The following SLC16A2 variants were observed in gnomAD, a reference collection of about 807,000 sequenced individuals.
SLC16A2 encodes solute carrier family 16 member 2, also known as monocarboxylate transporter 8.
A neutral mutation model predicts 27.2 loss-of-function variants in SLC16A2; 3 were observed. The ratio of observed to expected loss-of-function variants is 0.11; its 90% CI spans 0.05 to 0.28. The LOEUF is 0.28. Ranked by LOEUF, SLC16A2 falls within the 10% of genes least tolerant of loss-of-function variation. The pLI is 1.00. For missense variants in SLC16A2, 295 were observed against 458.5 expected, an observed-to-expected ratio of 0.64 and a Z score of 3.26; for synonymous variants, 202 against 187.8, an observed-to-expected ratio of 1.08 and a Z score of -0.62.
intron 1 of SLC16A2, among the ~76,000 whole-genome samples, chrX:74,441,006 C>T (rs960304616): frequency 3.6e-5 from 4 of 110,340 alleles, no homozygotes; most frequent in Non-Finnish European, 5.7e-5. Flanking sequence ...CTGTCTCTGT[C>T]GCCCAGGCTG....
chrX:74,459,715 A>G (rs1929102500), intron 1 of SLC16A2, among the ~76,000 whole-genome samples: 2 of 111,266 alleles, frequency 1.8e-5, no homozygotes, highest in Admixed American at 1.9e-4. Flanking sequence ...TTGGAAGAAA[A>G]CAATTGCATC....
intron 1 of SLC16A2, among the ~76,000 whole-genome samples, chrX:74,509,580 T>C (rs1320666884): frequency 9.0e-6 from 1 of 110,595 alleles, no homozygotes. Flanking sequence ...CCCCTTTTTT[T>C]TGAGATGGAG....
chrX:74,516,632 A>C lies in SLC16A2; in HGVS notation c.431-4358A>C, dbSNP rs764263755. 2.0e-4 allele frequency among the ~76,000 whole-genome samples: 22 copies of C among 111,750 alleles called. No homozygotes were observed. In the South Asian group the frequency reaches 8.2e-3, roughly 42 times the overall value. Reference sequence around the variant, plus strand: ...GGCCACTAAAAAAGGTATACAAAGGAACACACTTTAAAGCACAATAAATAA... The same window carrying C: ...GGCCACTAAAAAAGGTATACAAAGGCACACACTTTAAAGCACAATAAATAA... On this transcript the variant is annotated intron_variant, in intron 1 of 5. Coordinates refer to ENST00000587091, the MANE Select transcript of SLC16A2 (RefSeq NM_006517.5).
chrX:74,423,383 G>A (rs764621090), intron 1 of SLC16A2, among the ~76,000 whole-genome samples: 2 of 112,114 alleles, frequency 1.8e-5, no homozygotes, highest in African/African-American at 6.5e-5. Context: ...ATTATTAAGT[G>A]AACATAGAAA....
Position 74,532,212 on chromosome X carries a change from T to C in SLC16A2, c.*659T>C, listed in dbSNP as rs1930580992. 8.7e-6 allele frequency: 1 copy of C among 114,544 alleles called. No individual in the cohort carries two copies. The highest frequency in any genetic ancestry group is 8.9e-5 in the Admixed American group (1 of 11,231). 9.4% of individuals were successfully genotyped at this position (114,544 alleles called of 1,213,427 possible). Reference sequence around the variant, plus strand: ...TCTTTGTATGACTGTCATAGACACATGGGTGCTTGAAGAAAGGAGGGACCC... The same window carrying C: ...TCTTTGTATGACTGTCATAGACACACGGGTGCTTGAAGAAAGGAGGGACCC... On this transcript the variant is annotated 3_prime_UTR_variant, in exon 6 of 6. Transcript: ENST00000587091.
intron 1 of SLC16A2, among the ~76,000 whole-genome samples, chrX:74,519,653 T>C (rs1930373327): frequency 1.1e-5 from 1 of 95,076 alleles, no homozygotes; most frequent in Non-Finnish European, 2.1e-5. Flanking sequence ...GAGGCGGAGC[T>C]TGCAGTGAGG....
chrX:74,429,485 AG>A (rs1164602289), intron 1 of SLC16A2, among the ~76,000 whole-genome samples: 15 of 109,999 alleles, frequency 1.4e-4, no homozygotes, highest in African/African-American at 5.0e-4. Flanking sequence ...AAAAAAAAAA[AG>A]TGCCTTCAGG....
In SLC16A2 at chrX:74,425,417, T is replaced by C. The variant is rs770131365; in HGVS notation, c.430+3350T>C. 9.0e-5 allele frequency among the ~76,000 whole-genome samples: 10 copies of C among 110,937 alleles called. No individual in the cohort carries two copies. In the South Asian group the frequency reaches 3.9e-3, roughly 43 times the overall value. ...AGGTCCCTGAGAGGGAGGCAAGTGATCAAACTCTGGTTTAGTGAAAAAAGG... is the reference window on the plus strand; with the variant it reads ...AGGTCCCTGAGAGGGAGGCAAGTGACCAAACTCTGGTTTAGTGAAAAAAGG... On this transcript the variant is annotated intron_variant, in intron 1 of 5. Transcript: ENST00000587091.
rs752570148 is a variant in SLC16A2, at chrX:74,531,383, G to A, written c.1450G>A (p.Gly484Ser). ...GDYHVAFYFA[G>S]VPPIIGAVIL... The stretch of plus-strand genomic sequence containing the variant: ...CTACCATGTGGCCTTCTACTTTGCC[G>A]GTGTGCCCCCCATCATCGGGGCTGT... The change falls in exon 6 of 6, where the codon GGT becomes AGT. Residue 484 changes from glycine (G) to serine (S), a missense_variant. Gly to Ser is a moderately conservative substitution (Grantham distance 56). Coordinates refer to ENST00000587091, the MANE Select transcript of SLC16A2 (RefSeq NM_006517.5). The A allele has an allele frequency of 3.3e-6, 4 of 1,211,721 alleles. No individual in the cohort carries two copies. Among genetic ancestry groups the A allele is most frequent in the South Asian group, 1.8e-5 (1 of 56,995 alleles).
intron 2 of SLC16A2, among the ~76,000 whole-genome samples, chrX:74,522,952 G>T (rs1022057160): frequency 1.8e-5 from 2 of 111,704 alleles, no homozygotes; most frequent in Admixed American, 1.9e-4. Flanking sequence ...TGCAGGCAGG[G>T]CTGGTGGGGC....
chrX:74,477,522 G>A (rs1057388251), intron 1 of SLC16A2, among the ~76,000 whole-genome samples: 2 of 111,298 alleles, frequency 1.8e-5, no homozygotes, highest in Admixed American at 1.9e-4. Flanking sequence ...CCTTCTGCTA[G>A]CTTTTGAATG....
chrX:74,444,829 G>T (rs746818208), intron 1 of SLC16A2, among the ~76,000 whole-genome samples: 21 of 111,820 alleles, frequency 1.9e-4, no homozygotes, highest in African/African-American at 6.8e-4. Flanking sequence ...GCCCAGCCTA[G>T]CTTATATCCT....
At chrX:74,483,467 A>G (rs1929662689) in intron 1 of SLC16A2, among the ~76,000 whole-genome samples, 1 of 111,712 alleles carries the variant, frequency 9.0e-6, no homozygotes, top group African/African-American at 3.3e-5. Flanking sequence ...AGCTGCTACT[A>G]GAATCATAGT....
chrX:74,513,728 T>C (rs1419548452), intron 1 of SLC16A2, among the ~76,000 whole-genome samples: 1 of 111,996 alleles, frequency 8.9e-6, no homozygotes, highest in Admixed American at 9.5e-5. Context: ...TCTCCCTTTA[T>C]AGAAAATTTT....
intron 1 of SLC16A2, among the ~76,000 whole-genome samples, chrX:74,440,329 C>G (rs1345089976): frequency 9.0e-6 from 1 of 111,124 alleles, no homozygotes; most frequent in Non-Finnish European, 1.9e-5. Flanking sequence ...ACAAATCGCT[C>G]CAGCTTGCCG....
chrX:74,526,372 ATCCATCAGGAAGGTGATTGAG>A (rs1420008790), intron 4 of SLC16A2, among the ~76,000 whole-genome samples: 1 of 111,637 alleles, frequency 9.0e-6, no homozygotes, highest in Non-Finnish European at 1.9e-5. Flanking sequence ...GTCACAAGTA[ATCCATCAGGAAGGTGATTGAG>A]TTCTGACTCA....
chrX:74,505,922 G>A (rs1194908421), intron 1 of SLC16A2, among the ~76,000 whole-genome samples: 2 of 111,914 alleles, frequency 1.8e-5, no homozygotes, highest in African/African-American at 6.5e-5. Flanking sequence ...TTTGGTACTT[G>A]TTTCTTGTTT....
chrX:74,507,910 G>A (rs1055372650), intron 1 of SLC16A2, among the ~76,000 whole-genome samples: 1 of 112,003 alleles, frequency 8.9e-6, no homozygotes, highest in Non-Finnish European at 1.9e-5. Flanking sequence ...GAACACTTAG[G>A]TTGATTCAAT....
intron 1 of SLC16A2, among the ~76,000 whole-genome samples, chrX:74,502,365 GA>G (rs200316006): frequency 0.052 from 5,751 of 111,514 alleles, 154 homozygotes; most frequent in African/African-American, 0.11. Flanking sequence ...TACCCTTGCG[GA>G]TATAATAACC....
Sources: gnomAD v4.1 joint callset for allele counts (sites outside exome capture counted in the v4.1 genomes callset) on GRCh38, gnomAD v4.1.1 for gene constraint, MANE v1.5 for transcripts, NCBI Gene and HGNC (gene_info 2026-07-23, HGNC 2026-07-21) for gene names.